Variants in PREX2 observed in about 807,000 individuals in gnomAD.
PREX2 encodes phosphatidylinositol-3,4,5-trisphosphate dependent Rac exchange factor 2.
Under a neutral mutation model 203.2 loss-of-function variants are expected in PREX2, and 107 were observed. The observed-to-expected ratio is 0.53, with a 90% CI of 0.45 to 0.62. PREX2 has a LOEUF of 0.62. PREX2 is among the 20% of genes least tolerant of loss of function. The pLI is 0.00. For missense variants in PREX2, 1,777 were observed against 1,955.9 expected, an observed-to-expected ratio of 0.91 and a Z score of 1.72; for synonymous variants, 672 against 663.6, an observed-to-expected ratio of 1.01 and a Z score of -0.19.
At chr8:68,194,733 G>A (rs1012902389) in intron 37 of PREX2, among the ~76,000 whole-genome samples, 8 of 151,816 alleles carry the variant, frequency 5.3e-5, no homozygotes, top group East Asian at 1.9e-4. Flanking sequence ...TCTGGGAGGC[G>A]GAGGTCGCAG....
chr8:68,114,320 G>A (rs749184043), intron 25 of PREX2: 5 of 509,090 alleles, frequency 9.8e-6, no homozygotes, highest in African/African-American at 3.9e-5. Context: ...TATCGTCACC[G>A]TCTTGAAATA....
At chr8:68,179,984 A>T (rs1039511918) in intron 35 of PREX2, among the ~76,000 whole-genome samples, 1 of 151,942 alleles carries the variant, frequency 6.6e-6, no homozygotes, top group African/African-American at 2.4e-5. Flanking sequence ...GATTGTCTCT[A>T]TTTCTCCTCT....
rs548300396 is a variant in PREX2, at chr8:68,002,807, C to T, written c.142-15039C>T. On this transcript the variant is annotated intron_variant, in intron 1 of 39. Coordinates refer to ENST00000288368, the MANE Select transcript of PREX2 (RefSeq NM_024870.4). ...ATAATGCCTACTACATGGTGGAAAACAGAGTTTGTTGACCCAGGAGCTTCA... is the reference window on the plus strand; with the variant it reads ...ATAATGCCTACTACATGGTGGAAAATAGAGTTTGTTGACCCAGGAGCTTCA... Among the ~76,000 whole-genome samples, 3 of 152,192 alleles carry T rather than the reference C, an allele frequency of 2.0e-5. No individual in the cohort carries two copies. In the South Asian group the frequency reaches 6.2e-4, roughly 32 times the overall value.
rs147790585 is a variant in PREX2, at chr8:68,121,637, G to T, written c.3724+588G>T. Among the ~76,000 whole-genome samples the T allele has an allele frequency of 3.9e-5, 6 of 152,246 alleles. 1 individual carries two copies. Among genetic ancestry groups the T allele is most frequent in the African/African-American group, 1.4e-4 (6 of 41,564 alleles). ...TTGTTTAGAATCAGTGTGATTAAGT[G>T]AAAATTCTGAGAGTTTCAAAAATGA... On this transcript the variant is annotated intron_variant, in intron 30 of 39. Coordinates refer to ENST00000288368, the MANE Select transcript of PREX2 (RefSeq NM_024870.4).
In PREX2 at chr8:68,053,217, C is replaced by G. The variant is rs759711911; in HGVS notation, c.1064C>G (p.Ala355Gly). ...GAAGAGAAGCATGAATGGTTTGAAG[C>G]TATTTTGAAAGAAAGAGAACGGCGG... ...TPEEKHEWFE[A>G]ILKERERRKG... The change falls in exon 9 of 40, where the codon GCT becomes GGT. Residue 355 changes from alanine (A) to glycine (G), a missense_variant. Ala to Gly is a moderately conservative substitution (Grantham distance 60). Transcript: ENST00000288368. 6.2e-7 allele frequency: 1 copy of G among 1,613,556 alleles called. No individual in the cohort carries two copies. The highest frequency in any genetic ancestry group is 2.2e-5 in the East Asian group (1 of 44,836).
At chr8:68,154,577 C>T (rs1462800564) in intron 34 of PREX2, among the ~76,000 whole-genome samples, 2 of 152,190 alleles carry the variant, frequency 1.3e-5, no homozygotes, top group Admixed American at 1.3e-4. Flanking sequence ...AGCTTGTGAA[C>T]ATGGCATGTA....
intron 15 of PREX2, 113 bp from the exon 16 acceptor site, chr8:68,080,330 A>G: frequency 2.3e-6 from 2 of 871,560 alleles, no homozygotes; most frequent in Non-Finnish European, 3.7e-6. Context: ...TAGTCCTAGG[A>G]GTATAAAGTT....
intron 7 of PREX2, among the ~76,000 whole-genome samples, chr8:68,039,525 AC>A (rs1412919875): frequency 2.0e-5 from 3 of 151,976 alleles, no homozygotes; most frequent in African/African-American, 7.3e-5. Context: ...CTCATGTCCC[AC>A]ATCTGTGTCA....
At chr8:68,212,020 T>C (rs573582980) in intron 37 of PREX2, among the ~76,000 whole-genome samples, 6 of 152,332 alleles carry the variant, frequency 3.9e-5, no homozygotes, top group African/African-American at 1.4e-4. Flanking sequence ...AATTGTTTCA[T>C]GTCAACCAGA....
At chr8:68,110,026 T>C (rs1003204325) in intron 25 of PREX2, among the ~76,000 whole-genome samples, 1 of 152,188 alleles carries the variant, frequency 6.6e-6, no homozygotes, top group Non-Finnish European at 1.5e-5. Context: ...TAAAGTATAA[T>C]AAATGCTTAA....
At chr8:68,022,687 G>A (rs1026706169) in intron 4 of PREX2, among the ~76,000 whole-genome samples, 1 of 152,132 alleles carries the variant, frequency 6.6e-6, no homozygotes, top group Non-Finnish European at 1.5e-5. Flanking sequence ...GTGCGATTCA[G>A]TGATATTTAG....
intron 15 of PREX2, among the ~76,000 whole-genome samples, chr8:68,078,243 A>G (rs1250044366): frequency 2.0e-5 from 3 of 152,086 alleles, no homozygotes. Flanking sequence ...TCAGCTCACC[A>G]CAACCTTTGC....
intron 7 of PREX2, among the ~76,000 whole-genome samples, chr8:68,041,714 C>T (rs2129610813): frequency 6.6e-6 from 1 of 152,066 alleles, no homozygotes; most frequent in Non-Finnish European, 1.5e-5. Flanking sequence ...TTGTGTGTTA[C>T]TCGTTAAGAA....
Position 68,192,345 on chromosome 8 carries a change from C to T in PREX2, c.4424C>T (p.Pro1475Leu), listed in dbSNP as rs1563581329. 1 of 1,594,394 alleles carries T rather than the reference C, an allele frequency of 6.3e-7. No homozygotes were observed. The highest frequency in any genetic ancestry group is 8.6e-7 in the Non-Finnish European group (1 of 1,168,050). The change falls in exon 37 of 40, where the codon CCT (proline) becomes CTT (leucine). Residue 1475 changes from proline to leucine, a missense_variant. Pro to Leu is a moderately conservative substitution (Grantham distance 98). Coordinates refer to ENST00000288368, the MANE Select transcript of PREX2 (RefSeq NM_024870.4). Reference sequence around the variant, plus strand: ...ACTTTTTTTCTGCAGCTAATGAGGCCTCTCAACGCTTTGGATGAACTTTAC... The same window carrying T: ...ACTTTTTTTCTGCAGCTAATGAGGCTTCTCAACGCTTTGGATGAACTTTAC... ...KAAYVDKLMR[P>L]LNALDELYRL...
Position 68,169,452 on chromosome 8 carries a change from G to C in PREX2, c.4346+12016G>C, listed in dbSNP as rs558665013. On this transcript the variant is annotated intron_variant, in intron 35 of 39. Transcript: ENST00000288368. ...GATGGAACAGACGTGGAACAGGCAC[G>C]CTGTTCCAGAACAGCAAAGAGGTAG... Among the ~76,000 whole-genome samples the C allele has an allele frequency of 2.0e-5, 3 of 152,130 alleles. No individual in the cohort carries two copies. The South Asian group carries it at 6.3e-4, about 32-fold the overall frequency.
In PREX2 at chr8:68,217,729, T is replaced by C; in HGVS notation, c.4707+11T>C. ...GTGATGCGGAAGCAGGTAGGTCTCA[T>C]GCAGACTTGGGAATAGTTGTTTTGT... On this transcript the variant is annotated intron_variant, in intron 38 of 39. Coordinates refer to ENST00000288368, the MANE Select transcript of PREX2 (RefSeq NM_024870.4). 6.2e-7 allele frequency: 1 copy of C among 1,600,126 alleles called. No homozygotes were observed. The highest frequency in any genetic ancestry group is 8.6e-7 in the Non-Finnish European group (1 of 1,167,870).
At chr8:68,085,914 T>C (rs1270177690) in intron 18 of PREX2, among the ~76,000 whole-genome samples, 1 of 152,166 alleles carries the variant, frequency 6.6e-6, no homozygotes, top group Non-Finnish European at 1.5e-5. Context: ...GGCCTGAAAG[T>C]TCTATGTTGT....
intron 11 of PREX2, 85 bp from the exon 12 acceptor site, chr8:68,068,948 A>G (rs905836438): frequency 1.9e-6 from 1 of 520,724 alleles, no homozygotes; most frequent in Admixed American, 4.2e-5. Context: ...AGTATTTGGG[A>G]ATAAGTATTT....
chr8:68,037,751 C>G (rs537189114), intron 6 of PREX2, among the ~76,000 whole-genome samples: 2 of 152,258 alleles, frequency 1.3e-5, no homozygotes, highest in African/African-American at 4.8e-5. Flanking sequence ...AAAATTTAGA[C>G]AATTTCATGT....
Sources: allele counts gnomAD v4.1 joint callset (sites outside exome capture counted in the v4.1 genomes callset), GRCh38; gene constraint gnomAD v4.1.1; transcripts MANE v1.5; gene names NCBI Gene and HGNC (gene_info 2026-07-23, HGNC 2026-07-21).